The following FNIP2 variants were observed in gnomAD, a reference collection of about 807,000 sequenced individuals.
FNIP2 encodes folliculin interacting protein 2.
A neutral mutation model predicts 108.7 loss-of-function variants in FNIP2; 32 were observed. The observed-to-expected ratio is 0.29, with a 90% confidence interval of 0.22 to 0.40. FNIP2 has a LOEUF of 0.40. FNIP2 is among the 10% of genes least tolerant of loss of function. FNIP2 has a pLI of 1.00. For synonymous variants in FNIP2, 480 were observed against 496.7 expected (o/e 0.97, Z 0.45); for missense variants, 1,202 against 1,381.6 (o/e 0.87, Z 2.06).
intron 7 of FNIP2, among the ~76,000 whole-genome samples, chr4:158,838,548 C>T (rs1778942485): frequency 6.6e-6 from 1 of 152,044 alleles, no homozygotes; most frequent in African/African-American, 2.4e-5. Context: ...ACTTCCTGTC[C>T]AAATAGTTGA....
At position 158,903,717 on chromosome 4, in the gene FNIP2, C is replaced by T. The variant is rs1579020209; in HGVS notation, c.3267-749C>T. 2.6e-5 allele frequency among the ~76,000 whole-genome samples: 4 copies of T among 152,290 alleles called. No homozygotes were observed. In the South Asian group the frequency reaches 8.3e-4, roughly 32 times the overall value. Reference sequence around the variant, plus strand: ...TTACTGGAGAAGGACTAGAAAACCCCATGAGGTAATGCCAGATACTGTTTT... The same window carrying T: ...TTACTGGAGAAGGACTAGAAAACCCTATGAGGTAATGCCAGATACTGTTTT... On this transcript the variant is annotated intron_variant, in intron 16 of 16. Transcript: ENST00000264433.
intron 1 of FNIP2, among the ~76,000 whole-genome samples, chr4:158,798,040 G>T (rs987207626): frequency 4.6e-5 from 7 of 152,024 alleles, no homozygotes; most frequent in Admixed American, 1.3e-4. Flanking sequence ...AGGCTTCTAG[G>T]TTTTTTTGTT....
Position 158,868,687 on chromosome 4 carries a change from AG to A in FNIP2, c.2052del (p.Glu684AspfsTer3). The A allele has an allele frequency of 6.2e-7, 1 of 1,613,976 alleles. No homozygotes were observed. On this transcript the variant is annotated frameshift_variant, in exon 13 of 17. Coordinates refer to ENST00000264433, the MANE Select transcript of FNIP2 (RefSeq NM_020840.3). LOFTEE classifies it high-confidence loss of function. This position sits in a 1 kb window ranked among gnomAD's most constrained non-coding sequence, Gnocchi z 4.6. ...GMKMDQQAVC[E>X]LLKVEMPTRL... Reference sequence around the variant, plus strand: ...AAGATGGACCAGCAAGCTGTCTGTGAGCTGTTGAAAGTGGAGATGCCTACAA... The same window carrying A: ...AAGATGGACCAGCAAGCTGTCTGTGACTGTTGAAAGTGGAGATGCCTACAA...
At chr4:158,850,633 G>A (rs1779646490) in intron 7 of FNIP2, among the ~76,000 whole-genome samples, 1 of 148,786 alleles carries the variant, frequency 6.7e-6, no homozygotes, top group Non-Finnish European at 1.5e-5. Flanking sequence ...AGCAGTGGGG[G>A]CTGGAGGGAA....
rs78271104 is a variant in FNIP2 at position 158,779,325 on chromosome 4, T to C, written c.107+10006T>C. Among the ~76,000 whole-genome samples the C allele has an allele frequency of 3.4e-3, 522 of 152,304 alleles. 10 individuals are homozygous for C. In the East Asian group the frequency reaches 0.048, roughly 14 times the overall value. ...ACAATTGTCCAGCAGCAGGGAAGTATCTAAATTGTTATGTCAGCTTTGTAG... is the reference window on the plus strand; with the variant it reads ...ACAATTGTCCAGCAGCAGGGAAGTACCTAAATTGTTATGTCAGCTTTGTAG... On this transcript the variant is annotated intron_variant, in intron 1 of 16. Coordinates refer to ENST00000264433, the MANE Select transcript of FNIP2 (RefSeq NM_020840.3).
chr4:158,791,927 A>C (rs1167947207), intron 1 of FNIP2, among the ~76,000 whole-genome samples: 1 of 152,130 alleles, frequency 6.6e-6, no homozygotes, highest in Non-Finnish European at 1.5e-5. Context: ...ACAGACAATG[A>C]GATCCGGAGA....
chr4:158,833,986 C>A, intron 6 of FNIP2: 1 of 755,882 alleles, frequency 1.3e-6, no homozygotes, highest in Non-Finnish European at 1.8e-6. Context: ...CTCTAGAAAT[C>A]CAAGGGGCTC....
chr4:158,784,392 A>C (rs1431052002), intron 1 of FNIP2, among the ~76,000 whole-genome samples: 2 of 152,234 alleles, frequency 1.3e-5, no homozygotes, highest in African/African-American at 2.4e-5. Flanking sequence ...ATGAGGCAAC[A>C]GTTTCATGGC....
chr4:158,863,473 T>A (rs1314545265), intron 12 of FNIP2, among the ~76,000 whole-genome samples: 1 of 152,176 alleles, frequency 6.6e-6, no homozygotes, highest in Non-Finnish European at 1.5e-5. Context: ...TCCCCCTCCA[T>A]GGCTGCTCAG....
chr4:158,897,043 G>C (rs1046322706), intron 16 of FNIP2, among the ~76,000 whole-genome samples: 1 of 149,408 alleles, frequency 6.7e-6, no homozygotes, highest in African/African-American at 2.5e-5. Context: ...TCCCCTTCCT[G>C]TGTGTGTTGT....
intron 14 of FNIP2, among the ~76,000 whole-genome samples, chr4:158,886,527 A>G (rs889716172): frequency 6.6e-6 from 1 of 152,220 alleles, no homozygotes; most frequent in Non-Finnish European, 1.5e-5. Context: ...TTGGACACTC[A>G]GTGTGGTGTG....
intron 1 of FNIP2, among the ~76,000 whole-genome samples, chr4:158,780,440 A>G (rs968201152): frequency 6.6e-5 from 10 of 152,292 alleles, no homozygotes; most frequent in Non-Finnish European, 1.5e-4. Flanking sequence ...AGTATTCTTT[A>G]CCATTTGCTA....
At chr4:158,846,476 A>G (rs906572809) in intron 7 of FNIP2, among the ~76,000 whole-genome samples, 1 of 152,184 alleles carries the variant, frequency 6.6e-6, no homozygotes, top group Non-Finnish European at 1.5e-5. Flanking sequence ...TGTCACAGCT[A>G]CTAGACACAG....
chr4:158,831,651 G>A (rs991007274), intron 3 of FNIP2, among the ~76,000 whole-genome samples: 1 of 152,124 alleles, frequency 6.6e-6, no homozygotes, highest in East Asian at 1.9e-4. Context: ...ATGATGTTGT[G>A]TACAGAGAAG....
intron 1 of FNIP2, among the ~76,000 whole-genome samples, chr4:158,802,948 A>G (rs1776809563): frequency 6.6e-6 from 1 of 152,240 alleles, no homozygotes; most frequent in Admixed American, 6.5e-5. Context: ...GAAACAGTAC[A>G]AATAGCAGCT....
chr4:158,791,933 G>A (rs10007888), intron 1 of FNIP2, among the ~76,000 whole-genome samples: 152,227 of 152,288 alleles, frequency 1, 76,083 homozygotes, highest in Middle Eastern at 1. Context: ...AATGAGATCC[G>A]GAGAGTGGTG....
At position 158,891,549 on chromosome 4, in the gene FNIP2, A is replaced by G; in HGVS notation, c.3053A>G (p.Asn1018Ser). ...ACAAGTCAGAGGAAAGTGACGGACAACATGAAACTAGGCCAGGATGTCCTG... is the reference window on the plus strand; with the variant it reads ...ACAAGTCAGAGGAAAGTGACGGACAGCATGAAACTAGGCCAGGATGTCCTG... ...VATSQRKVTDNMKLGQDVLVS... is the reference protein window; with the variant it reads ...VATSQRKVTDSMKLGQDVLVS... Residue 1018 changes from asparagine (N) to serine (S), a missense_variant, in exon 15 of 17, where the codon AAC becomes AGC. By Grantham distance (46) the Asn-to-Ser change is conservative (BLOSUM62 1). Around this residue, in one of 5 missense-constraint regions of FNIP2, gnomAD observed 142 missense variants for 183.8 expected, o/e 0.77. Transcript: ENST00000264433. 1 of 1,612,040 alleles carries G rather than the reference A, an allele frequency of 6.2e-7. No homozygotes were observed. The highest frequency in any genetic ancestry group is 8.5e-7 in the Non-Finnish European group (1 of 1,178,992).
chr4:158,861,347 C>G lies in FNIP2; in HGVS notation c.1154C>G (p.Thr385Ser). ...LMEALGEFRG[T>S]IWNLYSVPRI... The stretch of plus-strand genomic sequence containing the variant: ...CCTCTCTTTCTGTTCTATAGAGGAA[C>G]TATCTGGAACTTATATTCTGTTCCA... The change falls in exon 11 of 17, where the codon ACT becomes AGT. Residue 385 changes from threonine to serine, a missense_variant. Around this residue, in one of 5 missense-constraint regions of FNIP2, gnomAD observed 878 missense variants for 990.3 expected, o/e 0.89. Transcript: ENST00000264433. 6.2e-7 allele frequency: 1 copy of G among 1,612,722 alleles called. No individual in the cohort carries two copies. The highest frequency in any genetic ancestry group is 1.3e-5 in the African/African-American group (1 of 74,942).
intron 8 of FNIP2, among the ~76,000 whole-genome samples, chr4:158,857,961 A>C (rs1287561106): frequency 6.6e-6 from 1 of 152,056 alleles, no homozygotes; most frequent in Non-Finnish European, 1.5e-5. Flanking sequence ...AAAATTAATT[A>C]ATTAATTTAA....
Sources: gnomAD v4.1 joint callset for allele counts (sites outside exome capture counted in the v4.1 genomes callset) on GRCh38, gnomAD v4.1.1 for gene constraint, gnomAD v4.1.1 regional missense constraint, Gnocchi (gnomAD v3.1) non-coding constraint, MANE v1.5 for transcripts, NCBI Gene and HGNC (gene_info 2026-07-23, HGNC 2026-07-21) for gene names.